ASB5: variants seen among roughly 807,000 people sequenced by gnomAD.
ASB5 encodes ankyrin repeat and SOCS box protein 5.
ASB5 carries 45 observed loss-of-function variants against 42.1 expected under a neutral mutation model. That is an observed-to-expected ratio of 1.07 (90% confidence interval 0.84 to 1.37). The LOEUF is 1.37. Among genes scored for constraint, ASB5 ranks in the 40% most tolerant of loss-of-function variants. ASB5 has a pLI of 0.00. For missense variants in ASB5, 402 were observed against 399.8 expected, an observed-to-expected ratio of 1.01 and a Z score of -0.05; for synonymous variants, 147 against 150.6, an observed-to-expected ratio of 0.98 and a Z score of 0.18.
At chr4:176,227,491 T>C (rs927814650) in intron 1 of ASB5, among the ~76,000 whole-genome samples, 2 of 152,166 alleles carry the variant, frequency 1.3e-5, no homozygotes, top group Non-Finnish European at 1.5e-5. Context: ...ACTTATTTAA[T>C]GATAACCTGA....
At chr4:176,256,671 G>T (rs1754163096) in intron 1 of ASB5, among the ~76,000 whole-genome samples, 1 of 152,142 alleles carries the variant, frequency 6.6e-6, no homozygotes, top group South Asian at 2.1e-4. Context: ...AGGCGTGGTG[G>T]CTCATGCCTG....
chr4:176,251,153 G>A (rs1754024038), intron 1 of ASB5, among the ~76,000 whole-genome samples: 1 of 151,684 alleles, frequency 6.6e-6, no homozygotes, highest in Non-Finnish European at 1.5e-5. Flanking sequence ...GCCACAGATA[G>A]TTTTATCACC....
intron 1 of ASB5, among the ~76,000 whole-genome samples, chr4:176,256,813 C>T (rs1754165867): frequency 6.6e-6 from 1 of 152,028 alleles, no homozygotes. Context: ...GTTGCTTGCA[C>T]CTGTAGTCCC....
At chr4:176,246,502 G>A (rs1253964778) in intron 1 of ASB5, among the ~76,000 whole-genome samples, 1 of 152,202 alleles carries the variant, frequency 6.6e-6, no homozygotes, top group Non-Finnish European at 1.5e-5. Context: ...CCACACCACA[G>A]TGCAGTTGCT....
intron 1 of ASB5, among the ~76,000 whole-genome samples, chr4:176,248,046 A>T (rs1560816106): frequency 6.6e-6 from 1 of 152,248 alleles, no homozygotes; most frequent in Admixed American, 6.5e-5. Context: ...AACAAAAATC[A>T]AAATGGCATT....
chr4:176,275,888 G>A (rs1754554048), exon 2 of ASB5: 1 of 152,224 alleles, frequency 6.6e-6, no homozygotes, highest in South Asian at 2.1e-4. Context: ...CAAGCAGGAG[G>A]TAGAATTTAT....
rs1172258530 is a variant in ASB5, at chr4:176,269,205, A to T, written c.-97T>A. 1 of 1,109,576 alleles carries T rather than the reference A, an allele frequency of 9.0e-7. No homozygotes were observed. Among genetic ancestry groups the T allele is most frequent in the Non-Finnish European group, 1.3e-6 (1 of 790,836 alleles). 68.7% of individuals were successfully genotyped at this position (1,109,576 alleles called of 1,614,324 possible). Reference sequence around the variant, plus strand: ...GCTCCTGAACAGCTGGTCCTGAGGAAAGAAAATATCAGCTGGTAGTGATGC... The same window carrying T: ...GCTCCTGAACAGCTGGTCCTGAGGATAGAAAATATCAGCTGGTAGTGATGC... On this transcript the variant is annotated 5_prime_UTR_variant, in exon 1 of 7. Coordinates refer to ENST00000296525, the MANE Select transcript of ASB5 (RefSeq NM_080874.4).
chr4:176,246,749 T>G (rs1477409356), intron 1 of ASB5, among the ~76,000 whole-genome samples: 1 of 152,218 alleles, frequency 6.6e-6, no homozygotes, highest in Admixed American at 6.5e-5. Context: ...TGATGGTTAA[T>G]GACAGAATGT....
chr4:176,253,161 TC>T (rs1240145187), intron 1 of ASB5, among the ~76,000 whole-genome samples: 3 of 152,204 alleles, frequency 2.0e-5, no homozygotes, highest in Admixed American at 6.5e-5. Context: ...TCTCATTGTC[TC>T]CTGTCTTCAA....
At chr4:176,247,931 T>G (rs1050272893) in intron 1 of ASB5, among the ~76,000 whole-genome samples, 2 of 152,124 alleles carry the variant, frequency 1.3e-5, no homozygotes, top group Non-Finnish European at 2.9e-5. Flanking sequence ...GGATACAAAA[T>G]AACTTCTAAA....
At chr4:176,224,515 G>A (rs1753317917) in intron 2 of ASB5, among the ~76,000 whole-genome samples, 1 of 144,914 alleles carries the variant, frequency 6.9e-6, no homozygotes, top group Admixed American at 7.1e-5. Flanking sequence ...AATTACAGGC[G>A]TGAGCCACTG....
intron 1 of ASB5, among the ~76,000 whole-genome samples, chr4:176,266,883 G>T (rs1163680568): frequency 1.3e-5 from 2 of 151,938 alleles, no homozygotes; most frequent in Admixed American, 1.3e-4. Flanking sequence ...ATTTAAAACA[G>T]AATCCTAAAA....
rs1366646863 is a variant in ASB5 at position 176,218,176 on chromosome 4, A to AAT, written c.671-1169_671-1168dup. Among the ~76,000 whole-genome samples the AAT allele has an allele frequency of 4.6e-4, 39 of 85,252 alleles. 4 individuals carry two copies. Among genetic ancestry groups the AAT allele is most frequent in the African/African-American group, 1.4e-3 (36 of 26,462 alleles). The allele number at this position is 85,252 out of a possible 152,430, so 55.9% of individuals were successfully genotyped here. Reference sequence around the variant, plus strand: ...AATATATACATTTGTATGATATATAAATATATATATTTGTATGATATATAA... The same window carrying AAT: ...AATATATACATTTGTATGATATATAAATATATATATATTTGTATGATATATAA... On this transcript the variant is annotated intron_variant, in intron 5 of 6. Transcript: ENST00000296525.
At chr4:176,229,165 C>T (rs192175569) in intron 1 of ASB5, among the ~76,000 whole-genome samples, 35 of 152,150 alleles carry the variant, frequency 2.3e-4, no homozygotes, top group Admixed American at 8.5e-4. Context: ...ATTTCATTAT[C>T]CTTAATTTAT....
chr4:176,275,526 G>C (rs1754547715), intron 2 of ASB5, among the ~76,000 whole-genome samples: 1 of 152,106 alleles, frequency 6.6e-6, no homozygotes, highest in Non-Finnish European at 1.5e-5. Flanking sequence ...CTAGTACATA[G>C]TTCACCTTTC....
chr4:176,221,224 A>G lies in ASB5; in HGVS notation c.601T>C (p.Leu201=). The G allele has an allele frequency of 6.2e-7, 1 of 1,614,154 alleles. No individual in the cohort carries two copies. Among genetic ancestry groups the G allele is most frequent in the Non-Finnish European group, 8.5e-7 (1 of 1,180,002 alleles). ...CAAGCTACATAGAGAGGAGTTCCCA[A>G]ATGAGGAATTTCTTGGTCAACATCT... The part of the protein sequence containing the change: ...GIDVDQEIPH[L]GTPLYVACMS... The change falls in exon 5 of 7, where the codon TTG becomes CTG. Residue 201 remains leucine (L), a synonymous_variant. Coordinates refer to ENST00000296525, the MANE Select transcript of ASB5 (RefSeq NM_080874.4).
chr4:176,257,839 G>GA (rs1754184367), intron 1 of ASB5, among the ~76,000 whole-genome samples: 1 of 152,024 alleles, frequency 6.6e-6, no homozygotes, highest in African/African-American at 2.4e-5. Context: ...GTTACTACCC[G>GA]AAAAAACTGA....
chr4:176,247,353 T>C (rs1248393431), intron 1 of ASB5, among the ~76,000 whole-genome samples: 3 of 152,172 alleles, frequency 2.0e-5, no homozygotes, highest in African/African-American at 7.2e-5. Context: ...CTAAAATTGA[T>C]ACATAGAATT....
intron 1 of ASB5, among the ~76,000 whole-genome samples, chr4:176,263,619 A>C (rs1404661811): frequency 1.3e-5 from 2 of 152,204 alleles, no homozygotes; most frequent in African/African-American, 4.8e-5. Context: ...AAAATGGTCC[A>C]AAAACTTCCA....
Sources: gnomAD v4.1 joint callset for allele counts (sites outside exome capture counted in the v4.1 genomes callset) on GRCh38, gnomAD v4.1.1 for gene constraint, MANE v1.5 for transcripts, NCBI Gene and HGNC (gene_info 2026-07-23, HGNC 2026-07-21) for gene names.